The following KMT2A variants were observed in gnomAD, a reference collection of about 807,000 sequenced individuals.
KMT2A encodes lysine methyltransferase 2A, also known as histone-lysine N-methyltransferase 2A.
A neutral mutation model predicts 345.3 loss-of-function variants in KMT2A; 16 were observed. The observed-to-expected ratio is 0.05, with a 90% CI of 0.03 to 0.07. KMT2A has a LOEUF of 0.07. Ranked by LOEUF, KMT2A falls within the 10% of genes least tolerant of loss-of-function variation. KMT2A has a pLI of 1.00. For synonymous variants in KMT2A, 1,599 were observed against 1,778.6 expected (o/e 0.90, Z 2.54); for missense variants, 3,272 against 4,841.6 (o/e 0.68, Z 9.62).
Position 118,497,950 on chromosome 11 carries a change from A to G in KMT2A, c.5679A>G (p.Leu1893=), listed in dbSNP as rs7107305. 0.057 allele frequency: 91,583 copies of G among 1,610,442 alleles called. 2,965 individuals carry two copies. The highest frequency in any genetic ancestry group is 0.075 in the South Asian group (6,824 of 90,968). Residue 1893 remains leucine (L), a synonymous_variant, in exon 21 of 36, where the codon TTA becomes TTG. Transcript: ENST00000534358. The surrounding 1 kb of genome is among the most constrained non-coding windows in gnomAD (Gnocchi z 4.8). ...GDDSANDAGR[L]LYIGQNEWTH... Reference sequence around the variant, plus strand: ...TTATTTTATAGGATGCTGGTCGTTTACTATATATTGGCCAAAATGAGTGGA... The same window carrying G: ...TTATTTTATAGGATGCTGGTCGTTTGCTATATATTGGCCAAAATGAGTGGA...
rs1950514140 is a variant in KMT2A, at chr11:118,502,392, G to C, written c.6506-6G>C. ...TAGCATTTATTACTTTTTCTCTCTT[G>C]TTTAGGAAGTCCTACCCCAACCACT... On this transcript the variant is annotated splice_polypyrimidine_tract_variant and splice_region_variant and intron_variant, in intron 26 of 35. Coordinates refer to ENST00000534358, the MANE Select transcript of KMT2A (RefSeq NM_001197104.2). The surrounding 1 kb of genome is among the most constrained non-coding windows in gnomAD (Gnocchi z 4.9). 2 of 1,563,984 alleles carry C rather than the reference G, an allele frequency of 1.3e-6. No individual in the cohort carries two copies. Among genetic ancestry groups the C allele is most frequent in the Non-Finnish European group, 1.7e-6 (2 of 1,156,806 alleles).
chr11:118,498,330 T>C lies in KMT2A; in HGVS notation c.5803-40T>C, dbSNP rs781854914. 33 of 1,573,620 alleles carry C rather than the reference T, an allele frequency of 2.1e-5. No homozygotes were observed. Among genetic ancestry groups the C allele is most frequent in the African/African-American group, 2.7e-5 (2 of 73,018 alleles). The stretch of plus-strand genomic sequence containing the variant: ...GAGACGGTAAACGTCTTAAAACATA[T>C]GAAAGTCTGAATAGGACTCTGTTCT... On this transcript the variant is annotated intron_variant, in intron 21 of 35. Coordinates refer to ENST00000534358, the MANE Select transcript of KMT2A (RefSeq NM_001197104.2). This position sits in a 1 kb window ranked among gnomAD's most constrained non-coding sequence, Gnocchi z 4.4.
In KMT2A at chr11:118,512,041, G is replaced by A. The variant is rs1555050265; in HGVS notation, c.11146+16G>A. On this transcript the variant is annotated intron_variant, in intron 31 of 35. Coordinates refer to ENST00000534358, the MANE Select transcript of KMT2A (RefSeq NM_001197104.2). The stretch of plus-strand genomic sequence containing the variant: ...TCATTTGCAGGTAATGGCTGGAGGT[G>A]TTATTCCACTCCTGTCTCAGAATAT... 1.9e-6 allele frequency: 3 copies of A among 1,604,440 alleles called. 1 individual carries two copies. Among genetic ancestry groups the A allele is most frequent in the Non-Finnish European group, 2.6e-6 (3 of 1,171,252 alleles).
intron 1 of KMT2A, among the ~76,000 whole-genome samples, chr11:118,444,356 T>C (rs782040883): frequency 2.0e-5 from 3 of 152,216 alleles, no homozygotes; most frequent in Non-Finnish European, 4.4e-5. Context: ...TCTTTAAGCT[T>C]AGCTAATGAG....
At chr11:118,438,000 C>T (rs1395897444) in intron 1 of KMT2A, among the ~76,000 whole-genome samples, 2 of 152,080 alleles carry the variant, frequency 1.3e-5, no homozygotes, top group Non-Finnish European at 2.9e-5. Context: ...CAGTCTCCAA[C>T]CCGAGCTCCC....
At chr11:118,517,965 T>C (rs1950859974) in intron 31 of KMT2A, among the ~76,000 whole-genome samples, 1 of 152,212 alleles carries the variant, frequency 6.6e-6, no homozygotes, top group African/African-American at 2.4e-5. Context: ...TGCTTTTTCA[T>C]CTGCTATTTC....
chr11:118,485,069 G>A, intron 10 of KMT2A, 94 bp downstream of exon 10: 1 of 782,582 alleles, frequency 1.3e-6, no homozygotes, highest in Non-Finnish European at 2.2e-6. Context: ...TATTTAGCAG[G>A]TACTATTCCC....
chr11:118,469,088 CCACT>C (rs1178852944), intron 2 of KMT2A, among the ~76,000 whole-genome samples: 3 of 151,722 alleles, frequency 2.0e-5, no homozygotes, highest in African/African-American at 4.9e-5. Flanking sequence ...TGCGCTGCAC[CCACT>C]AACTCGTCAT....
At chr11:118,470,714 T>G (rs1295622137) in intron 2 of KMT2A, among the ~76,000 whole-genome samples, 2 of 152,194 alleles carry the variant, frequency 1.3e-5, no homozygotes, top group South Asian at 2.1e-4. Flanking sequence ...TTTTGGTGCC[T>G]ATTAAGGGAA....
Position 118,502,629 on chromosome 11 carries a change from T to C in KMT2A, c.6737T>C (p.Val2246Ala), listed in dbSNP as rs139450035. 9.3e-6 allele frequency: 15 copies of C among 1,613,986 alleles called. No individual in the cohort carries two copies. The Admixed American group carries it at 2.2e-4, about 23-fold the overall frequency. The stretch of plus-strand genomic sequence containing the variant: ...GATCTTGAATCAAGTGCCAAAGTAG[T>C]TGATCATGTCTTAGGGCCACTGAAT... ...ATDLESSAKV[V>A]DHVLGPLNSS... The change falls in exon 27 of 36, where the codon GTT (valine) becomes GCT (alanine). Residue 2246 changes from valine to alanine, a missense_variant. Val to Ala is a moderately conservative substitution (Grantham distance 64, BLOSUM62 0). Around this residue, in one of 27 missense-constraint regions of KMT2A, gnomAD observed 445 missense variants for 500.9 expected, o/e 0.89. Transcript: ENST00000534358. This position sits in a 1 kb window ranked among gnomAD's most constrained non-coding sequence, Gnocchi z 4.9.
In KMT2A at chr11:118,502,309, T is replaced by C. The variant is rs1950512978; in HGVS notation, c.6506-89T>C. The C allele has an allele frequency of 1.1e-5, 8 of 738,262 alleles. No homozygotes were observed. In the South Asian group the frequency reaches 2.1e-4, roughly 20 times the overall value. 45.7% of individuals were successfully genotyped at this position (738,262 alleles called of 1,614,324 possible). On this transcript the variant is annotated intron_variant, in intron 26 of 35. Coordinates refer to ENST00000534358, the MANE Select transcript of KMT2A (RefSeq NM_001197104.2). This position sits in a 1 kb window ranked among gnomAD's most constrained non-coding sequence, Gnocchi z 4.9. ...AGATTTCCAGTTACCTATAAATATA[T>C]ATATATATAGTCAAATCATTGAAAC...
chr11:118,508,388 G>A (rs782795995), intron 28 of KMT2A, among the ~76,000 whole-genome samples: 2 of 151,806 alleles, frequency 1.3e-5, no homozygotes, highest in African/African-American at 2.4e-5. Context: ...ATATTTTAAT[G>A]AGTCCTCTAT....
chr11:118,440,082 G>C (rs1949281542), intron 1 of KMT2A, among the ~76,000 whole-genome samples: 1 of 152,126 alleles, frequency 6.6e-6, no homozygotes, highest in South Asian at 2.1e-4. Flanking sequence ...TGAAGAAATG[G>C]TTATATGATC....
In KMT2A at chr11:118,479,086, G is replaced by C. The variant is rs140950788; in HGVS notation, c.3569+885G>C. 4.1e-3 allele frequency among the ~76,000 whole-genome samples: 630 copies of C among 152,152 alleles called. 1 individual carries two copies. Among genetic ancestry groups the C allele is most frequent in the African/African-American group, 8.2e-3 (342 of 41,514 alleles). ...CCATTCCCTTAAGCATTTATCCTTT[G>C]TATTACAAACAATCCAATTATACTC... On this transcript the variant is annotated intron_variant, in intron 5 of 35. Transcript: ENST00000534358.
At chr11:118,519,862 C>T in intron 32 of KMT2A, 70 bp downstream of exon 32, 1 of 1,564,216 alleles carries the variant, frequency 6.4e-7, no homozygotes, top group South Asian at 1.1e-5. Context: ...TGTCATCTTC[C>T]CACATACCCT....
At chr11:118,458,183 A>G (rs782392727) in intron 1 of KMT2A, 5 of 378,982 alleles carry the variant, frequency 1.3e-5, no homozygotes, top group South Asian at 5.7e-5. Flanking sequence ...TTCTGGACTT[A>G]AGTGATTCTC....
At chr11:118,480,944 G>A (rs1490432283) in intron 6 of KMT2A, among the ~76,000 whole-genome samples, 1 of 152,122 alleles carries the variant, frequency 6.6e-6, no homozygotes, top group Non-Finnish European at 1.5e-5. Context: ...TGGAATTACA[G>A]GCATGAGCCA....
chr11:118,480,773 C>A (rs1950117201), intron 6 of KMT2A, among the ~76,000 whole-genome samples: 1 of 152,042 alleles, frequency 6.6e-6, no homozygotes, highest in Non-Finnish European at 1.5e-5. Context: ...AGCCATCCTC[C>A]CACCTCAGCC....
intron 1 of KMT2A, among the ~76,000 whole-genome samples, chr11:118,459,997 A>G (rs1336482223): frequency 1.3e-5 from 2 of 152,082 alleles, no homozygotes; most frequent in African/African-American, 2.4e-5. Flanking sequence ...CTCAGGCCCA[A>G]TTGGGAAGAA....
Sources: gnomAD v4.1 joint callset for allele counts (sites outside exome capture counted in the v4.1 genomes callset) on GRCh38, gnomAD v4.1.1 for gene constraint, gnomAD v4.1.1 regional missense constraint, Gnocchi (gnomAD v3.1) non-coding constraint, MANE v1.5 for transcripts, NCBI Gene and HGNC (gene_info 2026-07-23, HGNC 2026-07-21) for gene names.